The following ARAP2 variants were observed in gnomAD, a reference collection of about 807,000 sequenced individuals.
ARAP2 encodes arf-GAP with Rho-GAP domain, ANK repeat and PH domain-containing protein 2.
Under a neutral mutation model 194.5 loss-of-function variants are expected in ARAP2, and 148 were observed. That is an observed-to-expected ratio of 0.76 (90% CI 0.67 to 0.87). The LOEUF is 0.87. Ranked by LOEUF, ARAP2 falls within the 40% of genes least tolerant of loss-of-function variation. ARAP2 has a pLI of 0.00. For missense variants in ARAP2, 2,128 were observed against 1,989.7 expected, an observed-to-expected ratio of 1.07 and a Z score of -1.32; for synonymous variants, 695 against 683.5, an observed-to-expected ratio of 1.02 and a Z score of -0.26.
intron 9 of ARAP2, among the ~76,000 whole-genome samples, chr4:36,173,313 T>C (rs549336938): frequency 2.0e-4 from 30 of 152,206 alleles, no homozygotes; most frequent in Non-Finnish European, 4.3e-4. Context: ...TAAGAATTCA[T>C]ATATTTAAAT....
chr4:36,013,551 A>G (rs995552354), intron 8 of ARAP2, among the ~76,000 whole-genome samples: 2 of 152,192 alleles, frequency 1.3e-5, no homozygotes, highest in Non-Finnish European at 2.9e-5. Context: ...ATTTTACATT[A>G]CAGGAAAGAA....
chr4:36,194,085 T>C (rs1482887025), intron 6 of ARAP2, among the ~76,000 whole-genome samples: 2 of 152,228 alleles, frequency 1.3e-5, no homozygotes, highest in Non-Finnish European at 2.9e-5. Context: ...GCTTTGTCAA[T>C]TGGATTTACA....
intron 16 of ARAP2, among the ~76,000 whole-genome samples, chr4:36,150,676 G>C (rs1422428710): frequency 1.3e-5 from 2 of 151,894 alleles, no homozygotes; most frequent in Admixed American, 6.6e-5. Context: ...TTGATTCGAA[G>C]ATGCTAGCAC....
chr4:36,145,387 T>C (rs571332337), intron 19 of ARAP2, among the ~76,000 whole-genome samples: 1 of 152,010 alleles, frequency 6.6e-6, no homozygotes, highest in Non-Finnish European at 1.5e-5. Flanking sequence ...GCAACATGGA[T>C]GCAGCTGAAG....
At chr4:36,186,871 T>C (rs187989094) in intron 8 of ARAP2, among the ~76,000 whole-genome samples, 22 of 152,370 alleles carry the variant, frequency 1.4e-4, no homozygotes, top group South Asian at 6.2e-4. Context: ...ATCCCACTGA[T>C]TCTACATTAT....
chr4:36,196,336 A>C lies in ARAP2; in HGVS notation c.1488-2689T>G, dbSNP rs1401973292. ...AAGAGGGAGGGCCGATAGCTTACTC[A>C]TGTGTTAGGCTTAAGGATCAGTCGA... On this transcript the variant is annotated intron_variant, in intron 6 of 32. Transcript: ENST00000303965. 2.0e-5 allele frequency among the ~76,000 whole-genome samples: 3 copies of C among 152,120 alleles called. No individual in the cohort carries two copies. The East Asian group carries it at 5.8e-4, about 29-fold the overall frequency.
intron 32 of ARAP2, among the ~76,000 whole-genome samples, chr4:36,072,539 C>T (rs1160981057): frequency 6.6e-6 from 1 of 151,868 alleles, no homozygotes; most frequent in East Asian, 1.9e-4. Context: ...CGTATCTCTC[C>T]CTATGTTAGT....
At chr4:36,112,471 T>C (rs976543892) in intron 26 of ARAP2, among the ~76,000 whole-genome samples, 3 of 151,996 alleles carry the variant, frequency 2.0e-5, no homozygotes, top group Admixed American at 6.6e-5. Flanking sequence ...AACCAATTTG[T>C]AATGTGGAAA....
At chr4:36,123,591 C>T (rs746884957) in intron 22 of ARAP2, among the ~76,000 whole-genome samples, 21 of 151,622 alleles carry the variant, frequency 1.4e-4, no homozygotes, top group Non-Finnish European at 2.8e-4. Context: ...TTCAGCTTGC[C>T]CAGTCCCTTC....
At chr4:36,152,785 C>G (rs1731310984) in intron 15 of ARAP2, among the ~76,000 whole-genome samples, 2 of 152,048 alleles carry the variant, frequency 1.3e-5, no homozygotes, top group African/African-American at 4.8e-5. Flanking sequence ...TCCATAATAT[C>G]AGGAAAGAAC....
chr4:36,223,582 T>C (rs1273863951), intron 2 of ARAP2, among the ~76,000 whole-genome samples: 3 of 152,132 alleles, frequency 2.0e-5, no homozygotes, highest in Non-Finnish European at 4.4e-5. Flanking sequence ...CCCACAAAAT[T>C]CATATGTTCA....
At chr4:36,085,282 C>T (rs1330818358) in intron 28 of ARAP2, among the ~76,000 whole-genome samples, 1 of 151,936 alleles carries the variant, frequency 6.6e-6, no homozygotes, top group Admixed American at 6.6e-5. Flanking sequence ...AAGTGTTCCC[C>T]CATAGCTGAT....
In ARAP2 at chr4:36,075,674, T is replaced by C. The variant is rs147402370; in HGVS notation, c.4609-1851A>G. On this transcript the variant is annotated intron_variant, in intron 31 of 32. Coordinates refer to ENST00000303965, the MANE Select transcript of ARAP2 (RefSeq NM_015230.4). ...ATCAGTAAACTCACTTCCTTGTAAATATCTTCAAGTTCAAATTTTATCTGA... is the reference window on the plus strand; with the variant it reads ...ATCAGTAAACTCACTTCCTTGTAAACATCTTCAAGTTCAAATTTTATCTGA... 1.0e-3 allele frequency among the ~76,000 whole-genome samples: 153 copies of C among 152,266 alleles called. 1 individual carries two copies. Among genetic ancestry groups the C allele is most frequent in the African/African-American group, 3.4e-3 (143 of 41,564 alleles).
chr4:36,183,931 GC>G (rs931358812), intron 8 of ARAP2, among the ~76,000 whole-genome samples: 3 of 152,098 alleles, frequency 2.0e-5, no homozygotes, highest in African/African-American at 7.2e-5. Flanking sequence ...ATCATTCAAA[GC>G]CTTATCACCA....
At chr4:36,117,283 T>G in intron 24 of ARAP2, 148 bp from the exon 25 acceptor site, 1 of 541,428 alleles carries the variant, frequency 1.8e-6, no homozygotes, top group South Asian at 2.8e-5. Context: ...ACAAGCATGA[T>G]GTGCCCATTT....
intron 27 of ARAP2, among the ~76,000 whole-genome samples, chr4:36,103,620 C>T (rs1006053993): frequency 2.6e-5 from 4 of 151,606 alleles, no homozygotes; most frequent in African/African-American, 9.7e-5. Context: ...TTAGTTAGCT[C>T]TTTTTTACAA....
chr4:36,027,297 C>T (rs545829066), intron 5 of ARAP2, among the ~76,000 whole-genome samples: 1 of 152,164 alleles, frequency 6.6e-6, no homozygotes, highest in East Asian at 1.9e-4. Flanking sequence ...GGTCATGCAG[C>T]TGGTGAAGGT....
intron 17 of ARAP2, among the ~76,000 whole-genome samples, chr4:36,148,054 T>C (rs990839931): frequency 2.6e-5 from 4 of 152,304 alleles, no homozygotes; most frequent in Non-Finnish European, 4.4e-5. Context: ...TCTCCATTTA[T>C]ATATTTTCCT....
chr4:36,122,044 AT>A (rs1325115298), intron 22 of ARAP2, among the ~76,000 whole-genome samples: 6 of 151,714 alleles, frequency 4.0e-5, no homozygotes, highest in Admixed American at 6.6e-5. Context: ...ATTAAAAAAA[AT>A]AAACCCACAA....
Sources: gnomAD v4.1 joint callset for allele counts (sites outside exome capture counted in the v4.1 genomes callset) on GRCh38, gnomAD v4.1.1 for gene constraint, MANE v1.5 for transcripts, NCBI Gene and HGNC (gene_info 2026-07-23, HGNC 2026-07-21) for gene names.